The following PTPRT variants were observed in gnomAD, a reference collection of about 807,000 sequenced individuals.
The protein encoded by PTPRT is protein tyrosine phosphatase receptor type T.
PTPRT carries 56 observed loss-of-function variants against 176.8 expected under a neutral mutation model. The observed-to-expected ratio is 0.32, with a 90% CI of 0.26 to 0.40. The LOEUF is 0.40. PTPRT is among the 10% of genes least tolerant of loss of function. PTPRT has a pLI of 1.00. For missense variants in PTPRT, 1,540 were observed against 1,908.2 expected, an observed-to-expected ratio of 0.81 and a Z score of 3.60; for synonymous variants, 783 against 739.0, an observed-to-expected ratio of 1.06 and a Z score of -0.96.
chr20:42,094,183 A>T (rs939566251), intron 27 of PTPRT, among the ~76,000 whole-genome samples: 10 of 152,128 alleles, frequency 6.6e-5, no homozygotes, highest in African/African-American at 2.4e-4. Flanking sequence ...GCAGAAAGGG[A>T]TGTTGAAAAA....
intron 27 of PTPRT, among the ~76,000 whole-genome samples, chr20:42,090,944 ACT>A (rs1463177918): frequency 6.6e-6 from 1 of 152,164 alleles, no homozygotes; most frequent in African/African-American, 2.4e-5. Context: ...CCTAGTAAGT[ACT>A]CTCTCCTACC....
chr20:42,113,507 T>A (rs1228596567), intron 22 of PTPRT, among the ~76,000 whole-genome samples: 1 of 152,128 alleles, frequency 6.6e-6, no homozygotes, highest in Non-Finnish European at 1.5e-5. Flanking sequence ...ACCCTGGAGG[T>A]TACCCCTCAG....
chr20:42,497,665 G>C lies in PTPRT; in HGVS notation c.1154-25103C>G, dbSNP rs187882625. On this transcript the variant is annotated intron_variant, in intron 7 of 30. Transcript: ENST00000373187. ...GCTGGCATTACATACCCCAGCTTTA[G>C]ATCCTTTACCTTCCTTTTGTTTTAA... Among the ~76,000 whole-genome samples, 294 of 152,110 alleles carry C rather than the reference G, an allele frequency of 1.9e-3. 3 individuals are homozygous for C. The highest frequency in any genetic ancestry group is 9.3e-4 in the Non-Finnish European group (63 of 67,990).
chr20:42,280,003 GT>G (rs55925917), intron 13 of PTPRT, among the ~76,000 whole-genome samples: 32,918 of 151,994 alleles, frequency 0.22, 3,743 homozygotes, highest in African/African-American at 0.26. Flanking sequence ...GGAGAGACTG[GT>G]GACCCATCTC....
At position 42,568,709 on chromosome 20, in the gene PTPRT, G is replaced by A. The variant is rs552454530; in HGVS notation, c.1154-96147C>T. On this transcript the variant is annotated intron_variant, in intron 7 of 30. Transcript: ENST00000373187. ...TCCTGGCCTACAGAGAGCTGTCTGA[G>A]CTGCTAAACCCAGGATGCTTCAACT... Among the ~76,000 whole-genome samples, 21 of 152,186 alleles carry A rather than the reference G, an allele frequency of 1.4e-4. No homozygotes were observed. In the South Asian group the frequency reaches 4.4e-3, roughly 32 times the overall value.
At chr20:42,833,457 T>C (rs1156413986) in intron 2 of PTPRT, among the ~76,000 whole-genome samples, 1 of 151,744 alleles carries the variant, frequency 6.6e-6, no homozygotes, top group East Asian at 1.9e-4. Flanking sequence ...CATGTGCCTA[T>C]AGTCTCAGCT....
chr20:42,624,534 G>A (rs907726409), intron 7 of PTPRT, among the ~76,000 whole-genome samples: 1 of 152,176 alleles, frequency 6.6e-6, no homozygotes, highest in Admixed American at 6.5e-5. Context: ...TAGCACTTTG[G>A]GAGAAGTGTG....
intron 7 of PTPRT, among the ~76,000 whole-genome samples, chr20:42,665,903 T>C (rs556074780): frequency 1.5e-3 from 191 of 127,094 alleles, no homozygotes; most frequent in Admixed American, 3.3e-3. Flanking sequence ...TGAGAACACA[T>C]GGACACAGGA....
rs1174126893 is a variant in PTPRT at position 42,115,285 on chromosome 20, T to C, written c.3013A>G (p.Thr1005Ala). 1 of 1,614,156 alleles carries C rather than the reference T, an allele frequency of 6.2e-7. No homozygotes were observed. The highest frequency in any genetic ancestry group is 1.7e-5 in the Admixed American group (1 of 60,024). ...VKCVRYWPDDTEVYGDIKVTL... is the reference protein window; with the variant it reads ...VKCVRYWPDDAEVYGDIKVTL... ...ACTTTAATGTCTCCGTAGACCTCCG[T>C]GTCATCTGGCCAGTATCGCACACAT... is the stretch of plus-strand genomic sequence containing the variant. The change falls in exon 22 of 31, where the codon ACG becomes GCG. Residue 1005 changes from threonine (T) to alanine (A), a missense_variant. Physicochemically the swap from Thr to Ala is moderately conservative, Grantham distance 58. This residue lies in a region of PTPRT where 248 missense variants were observed against 356.7 expected (regional missense o/e 0.70). Transcript: ENST00000373187.
intron 6 of PTPRT, among the ~76,000 whole-genome samples, chr20:42,720,058 T>C (rs558554144): frequency 2.2e-4 from 33 of 152,344 alleles, no homozygotes; most frequent in African/African-American, 7.5e-4. Flanking sequence ...TTAACTCACT[T>C]ACTCATCATT....
intron 15 of PTPRT, among the ~76,000 whole-genome samples, chr20:42,208,571 A>G (rs992515758): frequency 1.3e-5 from 2 of 152,048 alleles, no homozygotes; most frequent in Admixed American, 1.3e-4. Flanking sequence ...TGGTAAAGGG[A>G]TCAATTCAAC....
chr20:43,185,747 A>T (rs949692243), intron 1 of PTPRT, among the ~76,000 whole-genome samples: 4 of 152,172 alleles, frequency 2.6e-5, no homozygotes, highest in African/African-American at 9.7e-5. Context: ...CAGCTGGCCA[A>T]CATGGTGAAA....
intron 1 of PTPRT, among the ~76,000 whole-genome samples, chr20:42,983,611 G>A (rs1568716376): frequency 6.6e-6 from 1 of 152,160 alleles, no homozygotes; most frequent in Non-Finnish European, 1.5e-5. Context: ...CCTGGGATCT[G>A]GGGATGCCCA....
intron 7 of PTPRT, among the ~76,000 whole-genome samples, chr20:42,649,099 C>G (rs1000883008): frequency 6.6e-5 from 10 of 151,946 alleles, no homozygotes; most frequent in East Asian, 1.9e-4. Context: ...GATTACAGGC[C>G]TGAGCCACTG....
At chr20:42,777,304 C>T (rs939125574) in intron 4 of PTPRT, among the ~76,000 whole-genome samples, 1 of 152,180 alleles carries the variant, frequency 6.6e-6, no homozygotes, top group African/African-American at 2.4e-5. Context: ...CCTGTATGCT[C>T]AGGACATGCT....
intron 1 of PTPRT, among the ~76,000 whole-genome samples, chr20:43,104,179 T>C (rs1194114731): frequency 6.6e-6 from 1 of 152,156 alleles, no homozygotes; most frequent in Non-Finnish European, 1.5e-5. Context: ...AATGTCAACA[T>C]TTGGAGTCTT....
intron 3 of PTPRT, among the ~76,000 whole-genome samples, chr20:42,780,899 C>G (rs2077204763): frequency 1.3e-5 from 2 of 152,182 alleles, no homozygotes. Flanking sequence ...TAGCTTCCCT[C>G]ATCACTCAAC....
chr20:42,470,919 G>A lies in PTPRT; in HGVS notation c.1450+1347C>T, dbSNP rs536054930. ...GGAAGCATACCCATTAGAAATGGGG[G>A]TATGGAGGTGGGGTGGGTTTGGGAG... On this transcript the variant is annotated intron_variant, in intron 8 of 30. Transcript: ENST00000373187. Among the ~76,000 whole-genome samples, 43 of 147,378 alleles carry A rather than the reference G, an allele frequency of 2.9e-4. 1 individual carries two copies. Among genetic ancestry groups the A allele is most frequent in the South Asian group, 6.8e-4 (3 of 4,410 alleles).
At chr20:42,475,927 G>A (rs1038607038) in intron 7 of PTPRT, among the ~76,000 whole-genome samples, 1 of 152,180 alleles carries the variant, frequency 6.6e-6, no homozygotes, top group Non-Finnish European at 1.5e-5. Context: ...GTTCCCTCTT[G>A]AGCATGTGTG....
Sources: allele counts gnomAD v4.1 joint callset (sites outside exome capture counted in the v4.1 genomes callset), GRCh38; gene constraint gnomAD v4.1.1; regional missense constraint gnomAD v4.1.1; transcripts MANE v1.5; gene names NCBI Gene and HGNC (gene_info 2026-07-23, HGNC 2026-07-21).